The following BLOC1S3 variants were observed in gnomAD, a reference collection of about 807,000 sequenced individuals.
BLOC1S3 encodes the protein biogenesis of lysosomal organelles complex 1 subunit 3, also known as biogenesis of lysosome-related organelles complex 1 subunit 3.
Under a neutral mutation model 9.1 loss-of-function variants are expected in BLOC1S3, and 7 were observed. That is an observed-to-expected ratio of 0.77 (90% CI 0.44 to 1.45). The LOEUF is 1.45. Among genes scored for constraint, BLOC1S3 ranks in the 40% most tolerant of loss-of-function variants. BLOC1S3 has a pLI of 0.01. For missense variants in BLOC1S3, 307 were observed against 315.2 expected (o/e 0.97, Z 0.20); for synonymous variants, 145 against 158.4 (o/e 0.92, Z 0.64).
Position 45,204,186 on chromosome 19 carries a change from C to CT in BLOC1S3, n.282+1696dup, listed in dbSNP as rs372532919. ...CACACCCGGCTGATTTTTGTTTTGCCTTTTTTTTTTTTTTTTTCTGAGATG... is the reference window on the plus strand; with the variant it reads ...CACACCCGGCTGATTTTTGTTTTGCCTTTTTTTTTTTTTTTTTTCTGAGATG... On this transcript the variant is annotated intron_variant and non_coding_transcript_variant, in intron 3 of 3. Transcript: ENST00000591569. Among the ~76,000 whole-genome samples, 1,178 of 121,600 alleles carry CT rather than the reference C, an allele frequency of 9.7e-3. 31 individuals carry two copies. The highest frequency in any genetic ancestry group is 0.033 in the African/African-American group (1,023 of 31,420). The allele number at this position is 121,600 out of a possible 152,430, so 79.8% of individuals were successfully genotyped here. A position where few individuals can be genotyped will look rare whatever the true frequency, so the allele number is the denominator to read the frequency against.
rs1969492510 is a variant in BLOC1S3 at position 45,179,969 on chromosome 19, A to C, written c.*64A>C. On this transcript the variant is annotated 3_prime_UTR_variant, in exon 2 of 2. Transcript: ENST00000433642. The surrounding 1 kb of genome is among the most constrained non-coding windows in gnomAD (Gnocchi z 4.6). ...TAGGCCTTGCTGCCTCTGGGACCTG[A>C]CTCTGTCTCCTGTGTCTCTTATCAC... 6 of 1,555,506 alleles carry C rather than the reference A, an allele frequency of 3.9e-6. No homozygotes were observed. Among genetic ancestry groups the C allele is most frequent in the Admixed American group, 1.8e-5 (1 of 55,262 alleles).
chr19:45,204,649 C>G (rs909981697), intron 3 of BLOC1S3, among the ~76,000 whole-genome samples: 2 of 152,142 alleles, frequency 1.3e-5, no homozygotes, highest in Non-Finnish European at 2.9e-5. Flanking sequence ...TGCGGCTGAC[C>G]AGTTATCTAT....
chr19:45,180,900 T>A lies in BLOC1S3; in HGVS notation c.*995T>A, dbSNP rs928302654. 9.9e-5 allele frequency: 16 copies of A among 160,968 alleles called. No individual in the cohort carries two copies. Among genetic ancestry groups the A allele is most frequent in the African/African-American group, 3.9e-4 (16 of 41,454 alleles). The allele number at this position is 160,968 out of a possible 1,614,324, so 10.0% of individuals were successfully genotyped here. On this transcript the variant is annotated 3_prime_UTR_variant, in exon 2 of 2. Transcript: ENST00000433642. ...CACCACCACGCCTGGCTACTTTTTA[T>A]ATTTTTAGTAGAGATGAGGTTTCAC...
At chr19:45,196,709 G>A (rs1396057549) in intron 2 of BLOC1S3, among the ~76,000 whole-genome samples, 1 of 151,764 alleles carries the variant, frequency 6.6e-6, no homozygotes, top group East Asian at 1.9e-4. Flanking sequence ...TGGCTAACAC[G>A]GTGAAACCCT....
At chr19:45,216,136 A>G in intron 3 of BLOC1S3, 1 of 1,613,930 alleles carries the variant, frequency 6.2e-7, no homozygotes, top group Non-Finnish European at 8.5e-7. Context: ...CGTGTCTTCC[A>G]GCTGCATGAC....
chr19:45,179,382 G>C lies in BLOC1S3; in HGVS notation c.86G>C (p.Arg29Pro), dbSNP rs370018943. The C allele has an allele frequency of 4.4e-5, 70 of 1,581,226 alleles. No individual in the cohort carries two copies. The highest frequency in any genetic ancestry group is 5.4e-5 in the Non-Finnish European group (63 of 1,171,922). The change falls in exon 2 of 2, where the codon CGC becomes CCC. Residue 29 changes from arginine (R) to proline (P), a missense_variant. By Grantham distance (103) the Arg-to-Pro change is moderately radical (BLOSUM62 -2). Transcript: ENST00000433642. The surrounding 1 kb of genome is among the most constrained non-coding windows in gnomAD (Gnocchi z 4.6). ...PGEATETDSE[R>P]SASSSEEEEL... is the part of the protein sequence containing the mutation. ...GAGGCGACCGAGACGGATTCCGAGC[G>C]CTCTGCGTCCTCGTCGGAGGAGGAG...
intron 3 of BLOC1S3, among the ~76,000 whole-genome samples, chr19:45,208,594 A>G (rs1969745147): frequency 6.6e-6 from 1 of 152,100 alleles, no homozygotes; most frequent in Admixed American, 6.6e-5. Flanking sequence ...ATCTCTACTA[A>G]AAATACAAAA....
In BLOC1S3 at chr19:45,180,152, G is replaced by A; in HGVS notation, c.*247G>A. ...CTCCCGATCCTGACCCTGCCGCCTG[G>A]TTCTGAGCCTTCCCCTGGGGCTTGG... On this transcript the variant is annotated 3_prime_UTR_variant, in exon 2 of 2. Transcript: ENST00000433642. The A allele has an allele frequency of 2.3e-6, 1 of 429,308 alleles. No homozygotes were observed. The highest frequency in any genetic ancestry group is 4.2e-6 in the Non-Finnish European group (1 of 236,492). The allele number at this position is 429,308 out of a possible 1,614,324, so 26.6% of individuals were successfully genotyped here. A position where few individuals can be genotyped will look rare whatever the true frequency, so the allele number is the denominator to read the frequency against.
At chr19:45,215,785 C>T (rs955015522) in intron 3 of BLOC1S3, among the ~76,000 whole-genome samples, 4 of 152,194 alleles carry the variant, frequency 2.6e-5, no homozygotes, top group South Asian at 2.1e-4. Context: ...GGCTCCCCTG[C>T]GGGCTGGCCC....
chr19:45,199,566 G>A (rs1397018890), intron 2 of BLOC1S3, among the ~76,000 whole-genome samples: 2 of 151,216 alleles, frequency 1.3e-5, no homozygotes, highest in African/African-American at 2.4e-5. Context: ...CGCTTGCCTC[G>A]GCCTCCCAAA....
chr19:45,195,559 TTCCCTCCCTCCCTCCC>T (rs762809288), intron 2 of BLOC1S3, among the ~76,000 whole-genome samples: 10 of 91,558 alleles, frequency 1.1e-4, no homozygotes, highest in East Asian at 5.0e-4. Context: ...CCCTCCCTCC[TTCCCTCCCTCCCTCCC>T]TCCCTCCCTC....
At chr19:45,208,966 C>T (rs1568476920) in intron 3 of BLOC1S3, among the ~76,000 whole-genome samples, 2 of 151,708 alleles carry the variant, frequency 1.3e-5, no homozygotes, top group Non-Finnish European at 1.5e-5. Context: ...ACTGGGGAGA[C>T]GGTGGTCAAA....
intron 3 of BLOC1S3, chr19:45,213,041 G>A (rs1401166607): frequency 6.8e-7 from 1 of 1,460,330 alleles, no homozygotes; most frequent in South Asian, 1.5e-5. Context: ...CATAGATGGG[G>A]TCACTAAGGC....
chr19:45,179,505 A>T lies in BLOC1S3; in HGVS notation c.209A>T (p.Glu70Val). 6.6e-7 allele frequency: 1 copy of T among 1,523,736 alleles called. No homozygotes were observed. Among genetic ancestry groups the T allele is most frequent in the South Asian group, 1.2e-5 (1 of 82,758 alleles). 94.4% of individuals were successfully genotyped at this position (1,523,736 alleles called of 1,614,324 possible). A position where few individuals can be genotyped will look rare whatever the true frequency, so the allele number is the denominator to read the frequency against. ...AAETDSEPEP[E>V]PEPTAAPRDL... ...GAGACCGACTCGGAGCCGGAGCCGG[A>T]GCCGGAACCGACGGCCGCGCCGAGG... The change falls in exon 2 of 2, where the codon GAG (glutamate) becomes GTG (valine). Residue 70 changes from glutamate (E) to valine (V), a missense_variant. Transcript: ENST00000433642. This position sits in a 1 kb window ranked among gnomAD's most constrained non-coding sequence, Gnocchi z 4.6.
intron 2 of BLOC1S3, among the ~76,000 whole-genome samples, chr19:45,196,321 T>A (rs1969647883): frequency 6.6e-6 from 1 of 152,064 alleles, no homozygotes; most frequent in Admixed American, 6.6e-5. Context: ...GAGGTTGCAG[T>A]GAGCTGAGAT....
At chr19:45,185,130 G>A (rs1293617111), downstream of BLOC1S3, among the ~76,000 whole-genome samples, 6 of 152,002 alleles carry the variant, frequency 3.9e-5, no homozygotes, top group Non-Finnish European at 7.4e-5. Context: ...GCCCCCAAGG[G>A]GAAGGGCAAC....
chr19:45,207,036 C>T (rs940876006), intron 3 of BLOC1S3, among the ~76,000 whole-genome samples: 1 of 151,720 alleles, frequency 6.6e-6, no homozygotes, highest in Non-Finnish European at 1.5e-5. Context: ...AGGGTTTCAC[C>T]ATGTTGGCCA....
At chr19:45,211,136 T>C (rs778179342) in intron 3 of BLOC1S3, among the ~76,000 whole-genome samples, 1 of 151,976 alleles carries the variant, frequency 6.6e-6, no homozygotes, top group Middle Eastern at 3.4e-3. Context: ...TAAATGTCTA[T>C]GGACTGCACA....
chr19:45,182,894 G>C (rs1006166481), downstream of BLOC1S3, among the ~76,000 whole-genome samples: 8 of 152,122 alleles, frequency 5.3e-5, no homozygotes, highest in African/African-American at 1.9e-4. Context: ...TTATGAAGGT[G>C]GAGCGGGATC....
Sources: gnomAD v4.1 joint callset for allele counts (sites outside exome capture counted in the v4.1 genomes callset) on GRCh38, gnomAD v4.1.1 for gene constraint, Gnocchi (gnomAD v3.1) non-coding constraint, MANE v1.5 for transcripts, NCBI Gene and HGNC (gene_info 2026-07-23, HGNC 2026-07-21) for gene names.